SPECC1: variants seen among roughly 807,000 people sequenced by gnomAD.
The protein encoded by SPECC1 is cytospin-B.
A neutral mutation model predicts 104.1 loss-of-function variants in SPECC1; 62 were observed. The ratio of observed to expected loss-of-function variants is 0.60; its 90% CI spans 0.49 to 0.74. The LOEUF is 0.74. Among genes scored for constraint, SPECC1 ranks in the 30% least tolerant of loss-of-function variants. The probability of loss-of-function intolerance (pLI) is 0.00; values close to 1 mark genes in which losing one functional copy is unlikely to be tolerated. For synonymous variants in SPECC1, 513 were observed against 501.6 expected (o/e 1.02, Z -0.30); for missense variants, 1,306 against 1,310.5 (o/e 1.00, Z 0.05).
At chr17:20,156,639 G>T (rs1228756738) in intron 3 of SPECC1, among the ~76,000 whole-genome samples, 1 of 152,116 alleles carries the variant, frequency 6.6e-6, no homozygotes, top group Non-Finnish European at 1.5e-5. Flanking sequence ...AGTTTGTGGC[G>T]CCCGCGGCTC....
At chr17:20,182,180 C>T (rs531452081) in intron 3 of SPECC1, among the ~76,000 whole-genome samples, 46 of 141,194 alleles carry the variant, frequency 3.3e-4, no homozygotes, top group African/African-American at 1.3e-3. Context: ...GTGGCATGAA[C>T]TTGGTTCACT....
chr17:20,116,765 C>A (rs546975567), intron 3 of SPECC1, among the ~76,000 whole-genome samples: 1 of 144,788 alleles, frequency 6.9e-6, no homozygotes, highest in Non-Finnish European at 1.5e-5. Flanking sequence ...TTTTGTCCCC[C>A]AGTTCCAACC....
intron 12 of SPECC1, among the ~76,000 whole-genome samples, chr17:20,277,055 C>G (rs969470438): frequency 6.6e-6 from 1 of 152,216 alleles, no homozygotes; most frequent in African/African-American, 2.4e-5. Flanking sequence ...TTGGAGGAGT[C>G]GGGCTCGGAT....
chr17:20,266,309 C>T (rs549758755), intron 12 of SPECC1, among the ~76,000 whole-genome samples: 36 of 152,260 alleles, frequency 2.4e-4, no homozygotes, highest in African/African-American at 7.5e-4. Flanking sequence ...GGGGGCCGGG[C>T]GCGGTGACTC....
Position 20,314,076 on chromosome 17 carries a change from C to G in SPECC1, c.*11C>G. On this transcript the variant is annotated 3_prime_UTR_variant, in exon 15 of 15. Coordinates refer to ENST00000395527, the MANE Select transcript of SPECC1 (RefSeq NM_001243439.2). ...TACTTTGAGACGTAACCCTGGAGGG[C>G]CTGGGGCAGCCACCATTGCCACCTA... The G allele has an allele frequency of 6.2e-7, 1 of 1,611,964 alleles. No homozygotes were observed. The highest frequency in any genetic ancestry group is 2.2e-5 in the East Asian group (1 of 44,872).
At chr17:20,298,948 A>AGAGAGAGAGAGAGAGAGAGAGTGTGTGT in intron 13 of SPECC1, among the ~76,000 whole-genome samples, 1 of 49,072 alleles carries the variant, frequency 2.0e-5, no homozygotes, top group Non-Finnish European at 3.7e-5. Context: ...AGAGAGAGAG[A>AGAGAGAGAGAGAGAGAGAGAGTGTGTGT]GTGTGTGTGT....
rs544854187 is a variant in SPECC1, at chr17:20,314,633, C to T, written c.*568C>T. On this transcript the variant is annotated 3_prime_UTR_variant, in exon 15 of 15. Transcript: ENST00000395527. ...CCAGCCTGTGTGAAAGAGCCAGACC[C>T]TGTCTCAAAAAAATGATAAAACCCA... 2 of 231,808 alleles carry T rather than the reference C, an allele frequency of 8.6e-6. No homozygotes were observed. The highest frequency in any genetic ancestry group is 3.6e-4 in the South Asian group (2 of 5,538). 14.4% of individuals were successfully genotyped at this position (231,808 alleles called of 1,614,324 possible). A position where few individuals can be genotyped will look rare whatever the true frequency, so the allele number is the denominator to read the frequency against.
chr17:20,111,491 A>T (rs569285517), intron 3 of SPECC1, among the ~76,000 whole-genome samples: 11 of 152,234 alleles, frequency 7.2e-5, no homozygotes, highest in Non-Finnish European at 1.6e-4. Context: ...TGTATTAAAC[A>T]TACACACACA....
intron 1 of SPECC1, among the ~76,000 whole-genome samples, chr17:20,038,403 C>CTTTTTTTTTTTTTTTTTTTTTTTTTT (rs10718870): frequency 1.0e-5 from 1 of 99,350 alleles, no homozygotes; most frequent in African/African-American, 3.9e-5. Context: ...TTTTGATATT[C>CTTTTTTTTTTTTTTTTTTTTTTTTTT]TTTTTTTTTT....
chr17:20,063,880 G>A (rs577945202), intron 1 of SPECC1, among the ~76,000 whole-genome samples: 21 of 152,296 alleles, frequency 1.4e-4, no homozygotes, highest in African/African-American at 2.2e-4. Flanking sequence ...TAGAATAAAC[G>A]CTTTGAGAGG....
At chr17:20,185,269 T>G (rs999383341) in intron 3 of SPECC1, 5 of 152,332 alleles carry the variant, frequency 3.3e-5, no homozygotes, top group African/African-American at 1.2e-4. Context: ...TTCTTGAATT[T>G]GGGCAGCCCT....
Position 20,205,691 on chromosome 17 carries a change from A to C in SPECC1, c.1642A>C (p.Lys548Gln). 6.2e-7 allele frequency: 1 copy of C among 1,614,236 alleles called. No homozygotes were observed. The highest frequency in any genetic ancestry group is 8.5e-7 in the Non-Finnish European group (1 of 1,180,032). ...GTGTAGAGTTACCTTGGAAGGGCTA[A>C]AAATGGAGAATGGATCTTTGAAGTC... The part of the protein sequence containing the change: ...EECRVTLEGL[K>Q]MENGSLKSHL... The change falls in exon 4 of 15, where the codon AAA (lysine) becomes CAA (glutamine). Residue 548 changes from lysine to glutamine, a missense_variant. By Grantham distance (53) the Lys-to-Gln change is moderately conservative (BLOSUM62 1). This residue lies in a region of SPECC1 where 1,177 missense variants were observed against 1,139.9 expected (regional missense o/e 1.03). Transcript: ENST00000395527.
At chr17:20,075,372 T>TA (rs1439205055) in intron 1 of SPECC1, among the ~76,000 whole-genome samples, 1 of 152,108 alleles carries the variant, frequency 6.6e-6, no homozygotes, top group Non-Finnish European at 1.5e-5. Flanking sequence ...GGTGGGCAGG[T>TA]AGGTGAGTGG....
chr17:20,174,708 C>A (rs1309802808), intron 3 of SPECC1, among the ~76,000 whole-genome samples: 1 of 152,044 alleles, frequency 6.6e-6, no homozygotes, highest in Non-Finnish European at 1.5e-5. Flanking sequence ...AAACACTCAC[C>A]GAGTATTTTC....
chr17:20,069,940 A>G (rs763170880), intron 1 of SPECC1, among the ~76,000 whole-genome samples: 10 of 152,146 alleles, frequency 6.6e-5, no homozygotes, highest in Non-Finnish European at 1.2e-4. Context: ...TAGCAATACA[A>G]TTGATTTTTG....
chr17:20,222,454 G>A (rs1269031615), intron 4 of SPECC1, among the ~76,000 whole-genome samples: 1 of 152,168 alleles, frequency 6.6e-6, no homozygotes, highest in African/African-American at 2.4e-5. Flanking sequence ...TTCTGTAAAG[G>A]TCTGTTAGTT....
chr17:20,107,255 TG>T (rs1169541149), intron 2 of SPECC1, among the ~76,000 whole-genome samples: 5 of 151,810 alleles, frequency 3.3e-5, no homozygotes, highest in Non-Finnish European at 7.4e-5. Context: ...GTGAATTACT[TG>T]TTTTTAAAGT....
At chr17:20,026,652 G>A (rs2044610770) in intron 1 of SPECC1, among the ~76,000 whole-genome samples, 1 of 152,104 alleles carries the variant, frequency 6.6e-6, no homozygotes, top group Non-Finnish European at 1.5e-5. Flanking sequence ...TCTATTGAGT[G>A]TATATGCCAC....
At chr17:20,028,399 C>G (rs1454801337) in intron 1 of SPECC1, among the ~76,000 whole-genome samples, 5 of 151,732 alleles carry the variant, frequency 3.3e-5, no homozygotes, top group African/African-American at 4.8e-5. Context: ...CTTTGGGAGG[C>G]CACAGTGGGA....
Sources: gnomAD v4.1 joint callset for allele counts (sites outside exome capture counted in the v4.1 genomes callset) on GRCh38, gnomAD v4.1.1 for gene constraint, gnomAD v4.1.1 regional missense constraint, MANE v1.5 for transcripts, NCBI Gene and HGNC (gene_info 2026-07-23, HGNC 2026-07-21) for gene names.